The following SNTG1 variants were observed in gnomAD, a reference collection of about 807,000 sequenced individuals.
SNTG1 encodes the protein gamma-1-syntrophin.
In SNTG1, 39 loss-of-function variants were observed where a neutral mutation model predicts 74.7. The observed-to-expected ratio is 0.52, with a 90% CI of 0.40 to 0.68. The LOEUF is 0.68. Ranked by LOEUF, SNTG1 falls within the 30% of genes least tolerant of loss-of-function variation. The pLI, the probability that SNTG1 is intolerant of heterozygous loss-of-function variation, is 0.00. For synonymous variants in SNTG1, 254 were observed against 217.1 expected (o/e 1.17, Z -1.49); for missense variants, 685 against 609.5 (o/e 1.12, Z -1.30).
chr8:50,701,038 A>G (rs181768036), intron 15 of SNTG1, among the ~76,000 whole-genome samples: 1 of 152,330 alleles, frequency 6.6e-6, no homozygotes, highest in East Asian at 1.9e-4. Flanking sequence ...AAAATCTTAC[A>G]TGAAGTCCAT....
intron 8 of SNTG1, among the ~76,000 whole-genome samples, chr8:50,476,330 T>G (rs2093696740): frequency 6.6e-6 from 1 of 152,214 alleles, no homozygotes; most frequent in South Asian, 2.1e-4. Flanking sequence ...ATCTGGTGAT[T>G]TCAGGAATTA....
At chr8:50,639,902 A>G (rs566570686) in intron 13 of SNTG1, among the ~76,000 whole-genome samples, 3 of 152,218 alleles carry the variant, frequency 2.0e-5, no homozygotes, top group Admixed American at 6.5e-5. Flanking sequence ...AGGTGACATG[A>G]TAGGTTTTAC....
intron 2 of SNTG1, among the ~76,000 whole-genome samples, chr8:50,347,491 T>G (rs2091516241): frequency 6.6e-6 from 1 of 152,238 alleles, no homozygotes; most frequent in Non-Finnish European, 1.5e-5. Flanking sequence ...ATTGTTTTCA[T>G]GCCTGCTAAC....
At chr8:50,498,822 G>A (rs1409330462) in intron 8 of SNTG1, among the ~76,000 whole-genome samples, 1 of 151,758 alleles carries the variant, frequency 6.6e-6, no homozygotes, top group Non-Finnish European at 1.5e-5. Context: ...ATTTGAAATA[G>A]TTCCAGCACA....
At chr8:50,047,265 G>A (rs1177939956) in intron 1 of SNTG1, among the ~76,000 whole-genome samples, 1 of 151,912 alleles carries the variant, frequency 6.6e-6, no homozygotes, top group Non-Finnish European at 1.5e-5. Context: ...CTTGAGCCCA[G>A]GCAGTCAATG....
intron 13 of SNTG1, among the ~76,000 whole-genome samples, chr8:50,638,311 G>A (rs529981106): frequency 1.4e-4 from 22 of 152,184 alleles, no homozygotes; most frequent in Admixed American, 4.6e-4. Flanking sequence ...AACCACCAAG[G>A]TTTTGTGGCA....
intron 13 of SNTG1, among the ~76,000 whole-genome samples, chr8:50,624,449 G>T (rs2094943909): frequency 6.6e-6 from 1 of 151,964 alleles, no homozygotes; most frequent in Non-Finnish European, 1.5e-5. Context: ...TCACTAAAAT[G>T]ACCAAAATGG....
At chr8:50,068,964 T>C (rs1465542062) in intron 1 of SNTG1, among the ~76,000 whole-genome samples, 2 of 152,236 alleles carry the variant, frequency 1.3e-5, no homozygotes, top group Non-Finnish European at 2.9e-5. Context: ...TTCATTGCAG[T>C]ACATTGTTCT....
At chr8:50,708,654 G>T in intron 16 of SNTG1, 1 of 506,290 alleles carries the variant, frequency 2.0e-6, no homozygotes, top group Non-Finnish European at 3.5e-6. Flanking sequence ...AGAGGGAGCA[G>T]GATTGGAAAC....
intron 13 of SNTG1, among the ~76,000 whole-genome samples, chr8:50,619,483 G>A (rs1002209605): frequency 2.0e-5 from 3 of 152,172 alleles, no homozygotes; most frequent in African/African-American, 7.2e-5. Context: ...TGTAATCCCA[G>A]CTCTTTGGGA....
At chr8:50,236,842 A>G (rs148689113) in intron 2 of SNTG1, among the ~76,000 whole-genome samples, 4 of 152,188 alleles carry the variant, frequency 2.6e-5, no homozygotes, top group Non-Finnish European at 4.4e-5. Context: ...AAATGTCAAC[A>G]TGTTGTCAGT....
intron 9 of SNTG1, among the ~76,000 whole-genome samples, chr8:50,516,841 G>A (rs2094137687): frequency 6.6e-6 from 1 of 152,166 alleles, no homozygotes; most frequent in Non-Finnish European, 1.5e-5. Context: ...AAAGTGAAAG[G>A]GAGAATGAAA....
At chr8:50,174,466 C>G (rs942032538) in intron 2 of SNTG1, among the ~76,000 whole-genome samples, 6 of 152,086 alleles carry the variant, frequency 3.9e-5, no homozygotes. Context: ...AGTGTAAAAG[C>G]GTTAAACAGT....
At chr8:50,272,066 C>G (rs545265751) in intron 2 of SNTG1, among the ~76,000 whole-genome samples, 1 of 152,260 alleles carries the variant, frequency 6.6e-6, no homozygotes, top group Admixed American at 6.5e-5. Flanking sequence ...TTTTATTGGA[C>G]TTCCCAGCCT....
chr8:50,145,317 T>G (rs12544986), intron 1 of SNTG1, among the ~76,000 whole-genome samples: 1 of 152,046 alleles, frequency 6.6e-6, no homozygotes, highest in South Asian at 2.1e-4. Flanking sequence ...CAAATATATA[T>G]AGCTAGATGG....
chr8:50,054,292 G>C (rs1004314377), intron 1 of SNTG1, among the ~76,000 whole-genome samples: 49 of 152,118 alleles, frequency 3.2e-4, no homozygotes, highest in Admixed American at 2.9e-3. Context: ...AGAAACCTGG[G>C]CATTGTTTGT....
At chr8:50,258,207 C>T (rs73676293) in intron 2 of SNTG1, among the ~76,000 whole-genome samples, 12,334 of 152,146 alleles carry the variant, frequency 0.081, 557 homozygotes, top group Middle Eastern at 0.13. Flanking sequence ...CTAGATGATC[C>T]GAAAGCAGTT....
At chr8:50,083,031 G>A (rs1822555509) in intron 1 of SNTG1, among the ~76,000 whole-genome samples, 1 of 152,092 alleles carries the variant, frequency 6.6e-6, no homozygotes. Context: ...TCTGACAATA[G>A]GTGTAAAGCT....
chr8:50,089,971 G>A (rs560969184), intron 1 of SNTG1, among the ~76,000 whole-genome samples: 3 of 152,156 alleles, frequency 2.0e-5, no homozygotes, highest in South Asian at 2.1e-4. Flanking sequence ...TGTTTATTGC[G>A]GCATTATTCA....
Sources: gnomAD v4.1 joint callset for allele counts (sites outside exome capture counted in the v4.1 genomes callset) on GRCh38, gnomAD v4.1.1 for gene constraint, MANE v1.5 for transcripts, NCBI Gene and HGNC (gene_info 2026-07-23, HGNC 2026-07-21) for gene names.